The following KLF5 variants were observed in gnomAD, a reference collection of about 807,000 sequenced individuals.
KLF5 encodes the protein KLF transcription factor 5, also known as Krueppel-like factor 5.
Under a neutral mutation model 36.9 loss-of-function variants are expected in KLF5, and 9 were observed. The ratio of observed to expected loss-of-function variants is 0.24; its 90% confidence interval spans 0.15 to 0.43. The LOEUF is 0.43. Among genes scored for constraint, KLF5 ranks in the 20% least tolerant of loss-of-function variants. KLF5 has a pLI of 1.00. For missense variants in KLF5, 524 were observed against 599.5 expected (o/e 0.87, Z 1.31); for synonymous variants, 246 against 241.7 (o/e 1.02, Z -0.17).
chr13:73,067,841 T>C (rs1414750561), intron 3 of KLF5, among the ~76,000 whole-genome samples: 1 of 139,634 alleles, frequency 7.2e-6, no homozygotes, highest in Non-Finnish European at 1.6e-5. Context: ...AATTCACTCT[T>C]CTTTTTTTTT....
chr13:73,066,393 T>C (rs2044680391), intron 3 of KLF5, among the ~76,000 whole-genome samples: 1 of 152,144 alleles, frequency 6.6e-6, no homozygotes, highest in African/African-American at 2.4e-5. Flanking sequence ...ACTTCTCTTA[T>C]GTAATAGCTT....
chr13:73,070,524 A>G (rs9530144), intron 3 of KLF5, among the ~76,000 whole-genome samples: 16,625 of 152,188 alleles, frequency 0.11, 1,186 homozygotes, highest in Non-Finnish European at 0.17. Context: ...GTTTACTGGG[A>G]ACCCAGAGGA....
At chr13:73,061,760 T>A in intron 1 of KLF5, 101 bp from the exon 2 acceptor site, 1 of 1,099,182 alleles carries the variant, frequency 9.1e-7, no homozygotes, top group Non-Finnish European at 1.3e-6. Context: ...CCCTAGTACC[T>A]TACACAGGGA....
In KLF5 at chr13:73,077,494, A is replaced by G. The variant is rs947665126; in HGVS notation, c.*1608A>G. 2.6e-5 allele frequency: 4 copies of G among 152,618 alleles called. No homozygotes were observed. The highest frequency in any genetic ancestry group is 5.9e-5 in the Non-Finnish European group (4 of 68,040). The allele number at this position is 152,618 out of a possible 1,614,324, so 9.5% of individuals were successfully genotyped here. ...TTTTGAGAGAATGAGATGTTTATAT[A>G]TTAACGACAATTTTTTTTTTGGAAA... On this transcript the variant is annotated 3_prime_UTR_variant, in exon 4 of 4. Transcript: ENST00000377687.
chr13:73,060,178 A>T (rs1594392098), intron 1 of KLF5, among the ~76,000 whole-genome samples: 1 of 150,356 alleles, frequency 6.7e-6, no homozygotes, highest in East Asian at 2.0e-4. Flanking sequence ...AAAAAAAAAA[A>T]AGACCGGGGG....
intron 3 of KLF5, among the ~76,000 whole-genome samples, chr13:73,072,609 A>G (rs2044730060): frequency 6.6e-6 from 1 of 152,212 alleles, no homozygotes; most frequent in Non-Finnish European, 1.5e-5. Context: ...ATTAAGGAAA[A>G]GTGGCAGACC....
upstream of KLF5, among the ~76,000 whole-genome samples, chr13:73,055,663 GATA>G (rs921177516): frequency 3.7e-4 from 57 of 152,154 alleles, no homozygotes; most frequent in African/African-American, 1.3e-3. Flanking sequence ...AGTTTTCACT[GATA>G]CAGATTCTAA....
rs2044763906 is a variant in KLF5 at position 73,076,709 on chromosome 13, A to G, written c.*823A>G. The G allele has an allele frequency of 6.6e-6, 1 of 152,250 alleles. No individual in the cohort carries two copies. Among genetic ancestry groups the G allele is most frequent in the Non-Finnish European group, 1.5e-5 (1 of 68,040 alleles). 9.4% of individuals were successfully genotyped at this position (152,250 alleles called of 1,614,324 possible). On this transcript the variant is annotated 3_prime_UTR_variant, in exon 4 of 4. Coordinates refer to ENST00000377687, the MANE Select transcript of KLF5 (RefSeq NM_001730.5). ...GAATTATAAACTGAAGAGCTTAAAG[A>G]TAGTTACAAAATACAAAAGTTCAAC...
chr13:73,074,421 A>G (rs949928375), intron 3 of KLF5, among the ~76,000 whole-genome samples: 8 of 151,730 alleles, frequency 5.3e-5, no homozygotes, highest in African/African-American at 1.7e-4. Context: ...AAGAGGTGAA[A>G]AAGTATCTAT....
At chr13:73,070,387 A>G (rs1422560466) in intron 3 of KLF5, among the ~76,000 whole-genome samples, 1 of 152,224 alleles carries the variant, frequency 6.6e-6, no homozygotes, top group East Asian at 1.9e-4. Context: ...CCTCATTGAC[A>G]CTTTAACGTC....
chr13:73,059,557 G>A lies in KLF5; in HGVS notation c.230G>A (p.Gly77Asp), dbSNP rs1168055830. ...APQPAQPPAT[G>D]PRLPPEDLVQ... is the part of the protein sequence containing the mutation. ...CAGCCGGCCCAGCCGCCCGCCACCG[G>A]CCCGCGGCTGCCTCCAGAGGACCTG... Residue 77 changes from glycine (G) to aspartate (D), a missense_variant, in exon 1 of 4, where the codon GGC becomes GAC. Physicochemically the swap from Gly to Asp is moderately conservative, Grantham distance 94. This residue lies in a region of KLF5 where 454 missense variants were observed against 458.1 expected (regional missense o/e 0.99). Transcript: ENST00000377687. 8.6e-7 allele frequency: 1 copy of A among 1,168,124 alleles called. No homozygotes were observed. Among genetic ancestry groups the A allele is most frequent in the Non-Finnish European group, 1.1e-6 (1 of 950,998 alleles). The allele number at this position is 1,168,124 out of a possible 1,614,324, so 72.4% of individuals were successfully genotyped here.
Position 73,076,166 on chromosome 13 carries a change from TG to T in KLF5, c.*285del. 1 of 263,114 alleles carries T rather than the reference TG, an allele frequency of 3.8e-6. No individual in the cohort carries two copies. The highest frequency in any genetic ancestry group is 7.0e-6 in the Non-Finnish European group (1 of 143,036). The allele number at this position is 263,114 out of a possible 1,614,324, so 16.3% of individuals were successfully genotyped here. ...GCCACGTCTCAACATGGGTAAGGGGTGGGGGTGGAGGGGAGTGTGTGCAGCG... is the reference window on the plus strand; with the variant it reads ...GCCACGTCTCAACATGGGTAAGGGGTGGGGTGGAGGGGAGTGTGTGCAGCG... On this transcript the variant is annotated 3_prime_UTR_variant, in exon 4 of 4. Coordinates refer to ENST00000377687, the MANE Select transcript of KLF5 (RefSeq NM_001730.5).
At chr13:73,063,983 CTTTGTTT>C (rs2044660296) in intron 3 of KLF5, 100 bp downstream of exon 3, 1 of 351,434 alleles carries the variant, frequency 2.8e-6, no homozygotes, top group Non-Finnish European at 5.0e-6. Context: ...CTCCTGTCAA[CTTTGTTT>C]TTTTTTTTTT....
intron 1 of KLF5, among the ~76,000 whole-genome samples, chr13:73,061,431 G>A (rs2044634200): frequency 6.6e-6 from 1 of 151,980 alleles, no homozygotes; most frequent in Non-Finnish European, 1.5e-5. Flanking sequence ...AAAAAACCAC[G>A]CTTTTTAATG....
intron 3 of KLF5, among the ~76,000 whole-genome samples, chr13:73,064,586 C>G (rs1476211454): frequency 2.6e-5 from 4 of 152,142 alleles, no homozygotes; most frequent in African/African-American, 9.7e-5. Flanking sequence ...GCTCTGTTGC[C>G]AGGCTGTAGT....
Position 73,071,286 on chromosome 13 carries a change from G to C in KLF5, c.1196-4422G>C, listed in dbSNP as rs147279312. On this transcript the variant is annotated intron_variant, in intron 3 of 3. Transcript: ENST00000377687. ...AAGTGATAAATATAAATTGAGGAGA[G>C]AAAGGAATTTCTCTTTTGTTGCTTT... Among the ~76,000 whole-genome samples the C allele has an allele frequency of 1.4e-4, 21 of 152,252 alleles. No individual in the cohort carries two copies. In the East Asian group the frequency reaches 4.1e-3, roughly 29 times the overall value.
In KLF5 at chr13:73,075,964, C is replaced by CAA; in HGVS notation, c.*82_*83dup. On this transcript the variant is annotated 3_prime_UTR_variant, in exon 4 of 4. Coordinates refer to ENST00000377687, the MANE Select transcript of KLF5 (RefSeq NM_001730.5). Reference sequence around the variant, plus strand: ...CCTAACTATTCCTGTGTAAAAACAACAAAAACAAACAAAAGCAAGAAAACC... The same window carrying CAA: ...CCTAACTATTCCTGTGTAAAAACAACAAAAAAACAAACAAAAGCAAGAAAACC... 6 of 1,069,724 alleles carry CAA rather than the reference C, an allele frequency of 5.6e-6. No homozygotes were observed. The highest frequency in any genetic ancestry group is 6.0e-5 in the South Asian group (2 of 33,260). The allele number at this position is 1,069,724 out of a possible 1,614,324, so 66.3% of individuals were successfully genotyped here.
At chr13:73,070,627 C>T (rs922253749) in intron 3 of KLF5, among the ~76,000 whole-genome samples, 3 of 152,136 alleles carry the variant, frequency 2.0e-5, no homozygotes, top group Non-Finnish European at 4.4e-5. Context: ...CCCACCCATT[C>T]CCTCTCTGGG....
At chr13:73,069,301 C>T (rs572935520) in intron 3 of KLF5, among the ~76,000 whole-genome samples, 1 of 152,062 alleles carries the variant, frequency 6.6e-6, no homozygotes, top group Admixed American at 6.5e-5. Flanking sequence ...GGAGATCTTA[C>T]AATGTGAATC....
Sources: allele counts gnomAD v4.1 joint callset (sites outside exome capture counted in the v4.1 genomes callset), GRCh38; gene constraint gnomAD v4.1.1; regional missense constraint gnomAD v4.1.1; transcripts MANE v1.5; gene names NCBI Gene and HGNC (gene_info 2026-07-23, HGNC 2026-07-21).